Variants in CLIP1 observed in about 807,000 individuals in gnomAD.
CLIP1 encodes the protein CAP-Gly domain containing linker protein 1, also known as CAP-Gly domain-containing linker protein 1.
In CLIP1, 66 loss-of-function variants were observed where a neutral mutation model predicts 161.6. The ratio of observed to expected loss-of-function variants is 0.41; its 90% CI spans 0.33 to 0.50. CLIP1 has a LOEUF of 0.50. CLIP1 is among the 20% of genes least tolerant of loss of function. The pLI, the probability that CLIP1 is intolerant of heterozygous loss-of-function variation, is 0.27. For synonymous variants in CLIP1, 598 were observed against 626.2 expected, an observed-to-expected ratio of 0.96 and a Z score of 0.67; for missense variants, 1,376 against 1,702.0, an observed-to-expected ratio of 0.81 and a Z score of 3.37.
intron 3 of CLIP1, among the ~76,000 whole-genome samples, chr12:122,372,033 G>A (rs1045583504): frequency 3.9e-5 from 6 of 151,996 alleles, no homozygotes; most frequent in African/African-American, 7.3e-5. Context: ...TGTAATCCCA[G>A]AACTTTGGGA....
At chr12:122,395,131 TA>T (rs1425796265) in intron 1 of CLIP1, among the ~76,000 whole-genome samples, 1 of 152,228 alleles carries the variant, frequency 6.6e-6, no homozygotes, top group African/African-American at 2.4e-5. Flanking sequence ...ACTTTATGTT[TA>T]TTTGCAGAAA....
At position 122,390,253 on chromosome 12, in the gene CLIP1, C is replaced by CACACAT. The variant is rs1413340092; in HGVS notation, c.-106-9696_-106-9695insATGTGT. Among the ~76,000 whole-genome samples, 23 of 92,730 alleles carry CACACAT rather than the reference C, an allele frequency of 2.5e-4. No homozygotes were observed. The East Asian group carries it at 8.6e-3, about 35-fold the overall frequency. The allele number at this position is 92,730 out of a possible 152,430, so 60.8% of individuals were successfully genotyped here. ...ATATATACACACACATATATATACA[C>CACACAT]ATATATACACACACATATATATATA... On this transcript the variant is annotated intron_variant, in intron 1 of 25. Transcript: ENST00000620786.
At chr12:122,384,099 A>T (rs1020002862) in intron 1 of CLIP1, among the ~76,000 whole-genome samples, 1 of 152,234 alleles carries the variant, frequency 6.6e-6, no homozygotes, top group Admixed American at 6.5e-5. Context: ...CAAATGAAGA[A>T]ATGCTGCAGA....
At chr12:122,334,835 C>G in intron 12 of CLIP1, 130 bp from the exon 13 acceptor site, 1 of 652,918 alleles carries the variant, frequency 1.5e-6, no homozygotes, top group East Asian at 2.7e-5. Context: ...ACTAATACAC[C>G]TCAAACATAT....
At chr12:122,343,926 T>C (rs1952625440) in intron 10 of CLIP1, 1 of 152,132 alleles carries the variant, frequency 6.6e-6, no homozygotes, top group Admixed American at 6.6e-5. Context: ...GGATCAAAAC[T>C]CCTGTGATTG....
At chr12:122,331,795 G>C (rs1293976821) in intron 15 of CLIP1, among the ~76,000 whole-genome samples, 1 of 151,416 alleles carries the variant, frequency 6.6e-6, no homozygotes, top group Non-Finnish European at 1.5e-5. Context: ...AGGAGTTTGA[G>C]ACCACCCTGG....
chr12:122,381,829 T>C (rs1219400899), intron 1 of CLIP1, among the ~76,000 whole-genome samples: 1 of 152,182 alleles, frequency 6.6e-6, no homozygotes, highest in Non-Finnish European at 1.5e-5. Flanking sequence ...GTGAAAGTGA[T>C]CTTATTTGGA....
At chr12:122,324,865 T>C (rs1428848582) in intron 17 of CLIP1, among the ~76,000 whole-genome samples, 2 of 152,144 alleles carry the variant, frequency 1.3e-5, no homozygotes, top group Non-Finnish European at 2.9e-5. Flanking sequence ...CCACAGGACC[T>C]TACTTAAGGG....
intron 20 of CLIP1, among the ~76,000 whole-genome samples, chr12:122,308,963 T>C (rs1324953255): frequency 6.6e-6 from 1 of 152,140 alleles, no homozygotes; most frequent in East Asian, 1.9e-4. Flanking sequence ...AAAAATTTTT[T>C]CCCCTTGGAG....
At chr12:122,364,175 A>G (rs1954013429) in intron 3 of CLIP1, 68 bp from the exon 4 acceptor site, 11 of 1,572,032 alleles carry the variant, frequency 7.0e-6, no homozygotes, top group Admixed American at 5.1e-5. Flanking sequence ...TGTGGTCCCT[A>G]CTAGTAACTA....
intron 3 of CLIP1, among the ~76,000 whole-genome samples, chr12:122,368,634 C>T (rs924396038): frequency 3.3e-5 from 5 of 152,122 alleles, no homozygotes; most frequent in Non-Finnish European, 7.4e-5. Flanking sequence ...CCAAGATAAA[C>T]AGCTTATTTT....
intron 20 of CLIP1, among the ~76,000 whole-genome samples, chr12:122,289,685 A>C (rs1956015793): frequency 2.6e-5 from 4 of 152,334 alleles, no homozygotes; most frequent in South Asian, 4.1e-4. Flanking sequence ...TTATTATCTC[A>C]TGAAGGATAA....
At chr12:122,316,147 G>A (rs1951260752) in intron 19 of CLIP1, among the ~76,000 whole-genome samples, 1 of 151,622 alleles carries the variant, frequency 6.6e-6, no homozygotes, top group South Asian at 2.1e-4. Flanking sequence ...GAGGTCGGAA[G>A]TTCAAGACCA....
chr12:122,394,488 C>CAAA lies in CLIP1; in HGVS notation c.-106-13933_-106-13931dup, dbSNP rs66683857. Among the ~76,000 whole-genome samples, 303 of 57,078 alleles carry CAAA rather than the reference C, an allele frequency of 5.3e-3. 4 individuals are homozygous for CAAA. Among genetic ancestry groups the CAAA allele is most frequent in the African/African-American group, 0.013 (164 of 12,724 alleles). 37.4% of individuals were successfully genotyped at this position (57,078 alleles called of 152,430 possible). A position where few individuals can be genotyped will look rare whatever the true frequency, so the allele number is the denominator to read the frequency against. ...TGGGCAACACAGTGAGACGCTGTCTCAAAAAAAAAAAAAAAAAAAAAAAAG... is the reference window on the plus strand; with the variant it reads ...TGGGCAACACAGTGAGACGCTGTCTCAAAAAAAAAAAAAAAAAAAAAAAAAAAG... On this transcript the variant is annotated intron_variant, in intron 1 of 25. Coordinates refer to ENST00000620786, the MANE Select transcript of CLIP1 (RefSeq NM_001247997.2).
chr12:122,377,919 A>C lies in CLIP1; in HGVS notation c.127T>G (p.Ser43Ala). 6.2e-7 allele frequency: 1 copy of C among 1,613,360 alleles called. No homozygotes were observed. Among genetic ancestry groups the C allele is most frequent in the Non-Finnish European group, 8.5e-7 (1 of 1,179,820 alleles). ...VEKTISSEKASSTPSSETQEE... is the reference protein window; with the variant it reads ...VEKTISSEKAASTPSSETQEE... The stretch of plus-strand genomic sequence containing the variant: ...TGAGTCTCAGATGATGGAGTGCTTG[A>C]TGCTTTTTCACTGGATATGGTTTTT... Residue 43 changes from serine (S) to alanine (A), a missense_variant, in exon 3 of 26, where the codon TCA (serine) becomes GCA (alanine). This residue lies in a region of CLIP1 where 66 missense variants were observed against 67.8 expected (regional missense o/e 0.97). Transcript: ENST00000620786.
intron 19 of CLIP1, among the ~76,000 whole-genome samples, chr12:122,313,792 G>C (rs547276813): frequency 6.6e-6 from 1 of 152,150 alleles, no homozygotes; most frequent in Non-Finnish European, 1.5e-5. Flanking sequence ...GGTAGGTGAC[G>C]TGACAGGATT....
At chr12:122,273,898 A>G in intron 25 of CLIP1, 140 bp downstream of exon 25, 1 of 631,914 alleles carries the variant, frequency 1.6e-6, no homozygotes, top group Non-Finnish European at 2.7e-6. Context: ...CGCCTGGCTA[A>G]CTTTTGTATT....
rs1955731630 is a variant in CLIP1, at chr12:122,283,528, G to A, written c.3648-4383C>T. Among the ~76,000 whole-genome samples, 6 of 147,642 alleles carry A rather than the reference G, an allele frequency of 4.1e-5. No homozygotes were observed. In the South Asian group the frequency reaches 8.5e-4, roughly 21 times the overall value. ...GGCTGGAGTGCAGTGGTGCGATCTC[G>A]GCTCACTGTAACCTCCGCCTCCTGA... On this transcript the variant is annotated intron_variant, in intron 21 of 25. Transcript: ENST00000620786.
chr12:122,274,166 A>G lies in CLIP1; in HGVS notation c.3967-4T>C. The G allele has an allele frequency of 6.3e-7, 1 of 1,585,750 alleles. No homozygotes were observed. The highest frequency in any genetic ancestry group is 8.7e-7 in the Non-Finnish European group (1 of 1,154,762). ...TTACTGAATTTAGGAAATCAATCTG[A>G]TTTGTTAAAAAAAAAATGTGTAAAA... On this transcript the variant is annotated splice_polypyrimidine_tract_variant and splice_region_variant and intron_variant, in intron 24 of 25. Transcript: ENST00000620786.
Sources: allele counts gnomAD v4.1 joint callset (sites outside exome capture counted in the v4.1 genomes callset), GRCh38; gene constraint gnomAD v4.1.1; regional missense constraint gnomAD v4.1.1; transcripts MANE v1.5; gene names NCBI Gene and HGNC (gene_info 2026-07-23, HGNC 2026-07-21).